REDIC1: variants seen among roughly 807,000 people sequenced by gnomAD.
REDIC1 encodes the protein regulator of DNA class I crossover intermediates 1.
the REDIC1 span, among the ~76,000 whole-genome samples, chr12:39,804,803 T>C: frequency 6.6e-6 from 1 of 152,112 alleles, no homozygotes; most frequent in Non-Finnish European, 1.5e-5. Flanking sequence ...TATATTTACA[T>C]GTTAAATATA....
At chr12:39,760,728 C>A in the REDIC1 span, among the ~76,000 whole-genome samples, 2 of 151,892 alleles carry the variant, frequency 1.3e-5, no homozygotes, top group African/African-American at 4.8e-5. Context: ...TCCATGAAGT[C>A]AGAGAATTTT....
At chr12:39,673,971 T>C in the REDIC1 span, among the ~76,000 whole-genome samples, 1 of 152,206 alleles carries the variant, frequency 6.6e-6, no homozygotes, top group African/African-American at 2.4e-5. Context: ...AATGTTTTTA[T>C]TAAAATTTTA....
At chr12:39,705,504 T>C in the REDIC1 span, among the ~76,000 whole-genome samples, 1 of 151,958 alleles carries the variant, frequency 6.6e-6, no homozygotes, top group South Asian at 2.1e-4. Flanking sequence ...GACAAAGACA[T>C]CAAGAAAAGA....
At chr12:39,840,254 A>G in the REDIC1 span, among the ~76,000 whole-genome samples, 1 of 151,898 alleles carries the variant, frequency 6.6e-6, no homozygotes, top group African/African-American at 2.4e-5. Context: ...CACCACGCCC[A>G]GCCTTGTACT....
At chr12:39,716,769 A>G in the REDIC1 span, 1 of 1,602,688 alleles carries the variant, frequency 6.2e-7, no homozygotes, top group Non-Finnish European at 8.5e-7. Context: ...TTGATTCTGC[A>G]CAGAGTAGTC....
At chr12:39,754,752 T>TATA in the REDIC1 span, among the ~76,000 whole-genome samples, 1 of 152,080 alleles carries the variant, frequency 6.6e-6, no homozygotes, top group East Asian at 1.9e-4. Flanking sequence ...TGACAATAAC[T>TATA]ATAATTATTA....
the REDIC1 span, among the ~76,000 whole-genome samples, chr12:39,790,140 G>A: frequency 1.6e-5 from 2 of 125,848 alleles, 1 homozygote; most frequent in Non-Finnish European, 3.4e-5. Context: ...TTTTTTTTTT[G>A]ACAGACTAAG....
the REDIC1 span, among the ~76,000 whole-genome samples, chr12:39,808,774 G>A: frequency 6.6e-6 from 1 of 151,934 alleles, no homozygotes; most frequent in African/African-American, 2.4e-5. Context: ...TTGAAAGGTT[G>A]CTTTATTTAT....
At chr12:39,728,417 A>G in the REDIC1 span, among the ~76,000 whole-genome samples, 1 of 151,704 alleles carries the variant, frequency 6.6e-6, no homozygotes, top group Non-Finnish European at 1.5e-5. Context: ...GGTTTTTGAC[A>G]TTGATCATGT....
the REDIC1 span, among the ~76,000 whole-genome samples, chr12:39,706,659 A>T: frequency 6.6e-6 from 1 of 152,002 alleles, no homozygotes; most frequent in African/African-American, 2.4e-5. Flanking sequence ...TAAAACAGAC[A>T]CATAGACCAA....
chr12:39,887,285 C>A, the REDIC1 span, among the ~76,000 whole-genome samples: 4 of 152,060 alleles, frequency 2.6e-5, no homozygotes, highest in Admixed American at 1.3e-4. Flanking sequence ...AGTTAGACAC[C>A]TCCAGAGATG....
the REDIC1 span, chr12:39,650,352 C>T: frequency 6.2e-7 from 1 of 1,608,622 alleles, no homozygotes; most frequent in South Asian, 1.1e-5. The surrounding 1 kb of genome is among the most constrained non-coding windows in gnomAD (Gnocchi z 4.3). Context: ...AAAGATTAAA[C>T]AGGTAAGCAA....
chr12:39,679,048 A>G, the REDIC1 span, among the ~76,000 whole-genome samples: 1 of 152,180 alleles, frequency 6.6e-6, no homozygotes, highest in East Asian at 1.9e-4. Context: ...CAAGACAAGG[A>G]TGCCCACTTT....
At chr12:39,639,004 A>C in the REDIC1 span, among the ~76,000 whole-genome samples, 1,275 of 152,064 alleles carry the variant, frequency 8.4e-3, 17 homozygotes, top group African/African-American at 0.029. Context: ...TACAATAAAC[A>C]TTTATTTTTG....
At chr12:39,771,999 T>TTG in the REDIC1 span, among the ~76,000 whole-genome samples, 1 of 152,252 alleles carries the variant, frequency 6.6e-6, no homozygotes, top group African/African-American at 2.4e-5. Flanking sequence ...AATTCCTACC[T>TTG]CATCACCCAA....
chr12:39,868,139 A>C, the REDIC1 span, among the ~76,000 whole-genome samples: 1 of 152,162 alleles, frequency 6.6e-6, no homozygotes, highest in African/African-American at 2.4e-5. Flanking sequence ...TACAACCTGG[A>C]TTTGAGTCTA....
the REDIC1 span, among the ~76,000 whole-genome samples, chr12:39,890,514 T>C: frequency 1.3e-5 from 2 of 152,190 alleles, no homozygotes; most frequent in African/African-American, 4.8e-5. Flanking sequence ...AATATAAGCA[T>C]GAGAGTCTTA....
chr12:39,702,809 T>C, the REDIC1 span, among the ~76,000 whole-genome samples: 5 of 152,200 alleles, frequency 3.3e-5, no homozygotes, highest in Admixed American at 6.5e-5. Context: ...TAATCCAGCA[T>C]GTAAACAGAA....
chr12:39,666,260 G>A, the REDIC1 span, among the ~76,000 whole-genome samples: 1 of 152,160 alleles, frequency 6.6e-6, no homozygotes, highest in South Asian at 2.1e-4. Flanking sequence ...AATTTATTGA[G>A]AGCTTTTAGC....
Sources: allele counts gnomAD v4.1 joint callset (sites outside exome capture counted in the v4.1 genomes callset), GRCh38; gene constraint gnomAD v4.1.1; non-coding constraint Gnocchi (gnomAD v3.1); transcripts MANE v1.5; gene names NCBI Gene and HGNC (gene_info 2026-07-23, HGNC 2026-07-21).